PUDP: variants seen among roughly 807,000 people sequenced by gnomAD.
PUDP encodes pseudouridine 5'-phosphatase.
A neutral mutation model predicts 9.4 loss-of-function variants in PUDP; 8 were observed. The ratio of observed to expected loss-of-function variants is 0.85; its 90% confidence interval spans 0.50 to 1.53. The LOEUF is 1.53. PUDP is among the 40% of genes most tolerant of loss of function. The pLI, the probability that PUDP is intolerant of heterozygous loss-of-function variation, is 0.00. For missense variants in PUDP, 188 were observed against 189.7 expected, an observed-to-expected ratio of 0.99 and a Z score of 0.05; for synonymous variants, 99 against 80.7, an observed-to-expected ratio of 1.23 and a Z score of -1.22.
chrX:6,973,587 T>G (rs1928910601), intron 3 of PUDP, among the ~76,000 whole-genome samples: 1 of 112,074 alleles, frequency 8.9e-6, no homozygotes. Flanking sequence ...TTGTTATGAT[T>G]TCCACTCTTT....
intron 3 of PUDP, among the ~76,000 whole-genome samples, chrX:6,849,063 G>A (rs1339018618): frequency 8.9e-6 from 1 of 112,244 alleles, no homozygotes; most frequent in African/African-American, 3.2e-5. Flanking sequence ...CTTTGGGGAA[G>A]TTACAAAGAG....
intron 2 of PUDP, among the ~76,000 whole-genome samples, chrX:7,078,631 T>G (rs997989934): frequency 8.9e-6 from 1 of 112,340 alleles, no homozygotes. Flanking sequence ...ATGCCTATTT[T>G]AATAATGTCA....
At chrX:6,959,071 TAGG>T (rs1368791467) in intron 3 of PUDP, among the ~76,000 whole-genome samples, 1 of 111,902 alleles carries the variant, frequency 8.9e-6, no homozygotes, top group East Asian at 2.8e-4. Context: ...TCAGCCTGGC[TAGG>T]AGGTCAAGAA....
intron 1 of PUDP, among the ~76,000 whole-genome samples, chrX:7,017,049 T>A (rs1243109437): frequency 2.7e-5 from 3 of 111,797 alleles, no homozygotes; most frequent in Non-Finnish European, 5.6e-5. Context: ...AACATTCTTT[T>A]TGAAGAAAAG....
At chrX:7,064,595 A>C (rs1930494800) in intron 3 of PUDP, among the ~76,000 whole-genome samples, 1 of 111,277 alleles carries the variant, frequency 9.0e-6, no homozygotes, top group South Asian at 3.8e-4. Flanking sequence ...AGGTGCCCAG[A>C]GGGTCCCAGT....
chrX:6,767,379 C>T (rs924855390), intron 3 of PUDP, among the ~76,000 whole-genome samples: 4 of 112,676 alleles, frequency 3.6e-5, no homozygotes, highest in African/African-American at 1.3e-4. Flanking sequence ...ATTAATGAGG[C>T]CCTGCAATGT....
chrX:7,062,155 A>C (rs1342478685), intron 3 of PUDP, among the ~76,000 whole-genome samples: 1 of 112,340 alleles, frequency 8.9e-6, no homozygotes, highest in Non-Finnish European at 1.9e-5. Flanking sequence ...TAGGAAATTA[A>C]CACCTACATA....
At chrX:7,097,632 C>T (rs1384343065) in intron 2 of PUDP, among the ~76,000 whole-genome samples, 1 of 111,234 alleles carries the variant, frequency 9.0e-6, no homozygotes, top group East Asian at 2.9e-4. Context: ...ATGACATACT[C>T]CATTAGGAAA....
chrX:7,105,678 C>A lies in PUDP; in HGVS notation c.222G>T (p.Leu74=). 8.3e-7 allele frequency: 1 copy of A among 1,210,294 alleles called. No individual in the cohort carries two copies. Among genetic ancestry groups the A allele is most frequent in the Non-Finnish European group, 1.1e-6 (1 of 894,870 alleles). ...TTAACTTCGTTTGGCTTTCTTCCACCAGCTCCTCTTTGGACATCGGGAGCT... is the reference window on the plus strand; with the variant it reads ...TTAACTTCGTTTGGCTTTCTTCCACAAGCTCCTCTTTGGACATCGGGAGCT... ...VLQLPMSKEE[L]VEESQTKLKE... is the part of the protein sequence containing the mutation. The change falls in exon 2 of 4, where the codon CTG becomes CTT. Residue 74 remains leucine, a synonymous_variant. Coordinates refer to ENST00000381077, the MANE Select transcript of PUDP (RefSeq NM_012080.5).
chrX:7,048,861 T>A (rs901265552), downstream of PUDP: 1 of 112,498 alleles, frequency 8.9e-6, no homozygotes, highest in African/African-American at 3.2e-5. Context: ...ATATTTTACA[T>A]TTCTTGGAAG....
chrX:6,966,262 G>C (rs12557257), intron 3 of PUDP, among the ~76,000 whole-genome samples: 7,239 of 98,890 alleles, frequency 0.073, 243 homozygotes, highest in Admixed American at 0.16. Flanking sequence ...TTTGCTTGCT[G>C]TTTTGTATAC....
chrX:7,078,138 G>A (rs1462458630), intron 2 of PUDP, among the ~76,000 whole-genome samples: 1 of 111,657 alleles, frequency 9.0e-6, no homozygotes, highest in Non-Finnish European at 1.9e-5. Context: ...TTAACTACAG[G>A]GACCACACAG....
At chrX:6,757,949 T>C (rs1299690451) in intron 3 of PUDP, among the ~76,000 whole-genome samples, 3 of 112,239 alleles carry the variant, frequency 2.7e-5, no homozygotes. Flanking sequence ...TTTGTCTTAG[T>C]GACACGAGAT....
At chrX:6,951,240 C>G (rs1005176893) in intron 3 of PUDP, among the ~76,000 whole-genome samples, 6 of 81,932 alleles carry the variant, frequency 7.3e-5, no homozygotes, top group Admixed American at 3.1e-4. Flanking sequence ...ATCCATCCAT[C>G]CATCATATCT....
intron 3 of PUDP, among the ~76,000 whole-genome samples, chrX:7,076,774 T>G (rs914606967): frequency 5.4e-5 from 6 of 111,891 alleles, no homozygotes; most frequent in African/African-American, 2.0e-4. Context: ...AAGCAAAAAC[T>G]GCAGCAACCA....
At chrX:6,720,258 G>GTGTGTGTATATATATA (rs1555907522) in intron 1 of PUDP, among the ~76,000 whole-genome samples, 8 of 48,799 alleles carry the variant, frequency 1.6e-4, no homozygotes, top group African/African-American at 6.2e-4. Flanking sequence ...GTGTGTGTGT[G>GTGTGTGTATATATATA]TATATATATA....
chrX:7,015,047 A>G (rs767512435), intron 1 of PUDP, among the ~76,000 whole-genome samples: 1 of 112,138 alleles, frequency 8.9e-6, no homozygotes, highest in African/African-American at 3.2e-5. Flanking sequence ...TCCGCTTAGT[A>G]CTGAGAAGGC....
At chrX:6,706,100 C>G (rs1389872762) in intron 2 of PUDP, among the ~76,000 whole-genome samples, 1 of 112,061 alleles carries the variant, frequency 8.9e-6, no homozygotes, top group African/African-American at 3.2e-5. Flanking sequence ...TTGTATGATT[C>G]CACTTCCATG....
At position 7,049,363 on chromosome X, in the gene PUDP, G is replaced by C. The variant is rs1011071056; in HGVS notation, c.*933C>G. 2 of 112,435 alleles carry C rather than the reference G, an allele frequency of 1.8e-5. No homozygotes were observed. Among genetic ancestry groups the C allele is most frequent in the African/African-American group, 6.5e-5 (2 of 30,831 alleles). 9.3% of individuals were successfully genotyped at this position (112,435 alleles called of 1,213,427 possible). ...GATAAATTATTCCAAAAGTGTTCCT[G>C]GGCACTGAGACTCACCAAGCATACA... On this transcript the variant is annotated 3_prime_UTR_variant, in exon 4 of 4. Coordinates refer to ENST00000381077, the MANE Select transcript of PUDP (RefSeq NM_012080.5).
Sources: allele counts gnomAD v4.1 joint callset (sites outside exome capture counted in the v4.1 genomes callset), GRCh38; gene constraint gnomAD v4.1.1; transcripts MANE v1.5; gene names NCBI Gene and HGNC (gene_info 2026-07-23, HGNC 2026-07-21).